Variants in SMG5 observed in about 807,000 individuals in gnomAD.
The protein encoded by SMG5 is nonsense-mediated mRNA decay factor SMG5.
A neutral mutation model predicts 122.9 loss-of-function variants in SMG5; 53 were observed. The observed-to-expected ratio is 0.43, with a 90% CI of 0.35 to 0.54. SMG5 has a LOEUF of 0.54. SMG5 is among the 20% of genes least tolerant of loss of function. The pLI is 0.01. For missense variants in SMG5, 1,153 were observed against 1,285.6 expected, an observed-to-expected ratio of 0.90 and a Z score of 1.58; for synonymous variants, 477 against 490.2, an observed-to-expected ratio of 0.97 and a Z score of 0.35.
In SMG5 at chr1:156,252,509, TGGGCAAGGTA is replaced by T; in HGVS notation, c.2663-15_2663-6del. On this transcript the variant is annotated splice_region_variant and splice_polypyrimidine_tract_variant and intron_variant, in intron 18 of 21. Transcript: ENST00000361813. The stretch of plus-strand genomic sequence containing the variant: ...GCAAATCCAGGCCATCGATCACTGG[TGGGCAAGGTA>T]GGGAAAGACAAAACAGATAAGCTCA... The T allele has an allele frequency of 6.2e-7, 1 of 1,613,856 alleles. No individual in the cohort carries two copies. Among genetic ancestry groups the T allele is most frequent in the Non-Finnish European group, 8.5e-7 (1 of 1,179,956 alleles).
Position 156,255,428 on chromosome 1 carries a change from A to T in SMG5, c.2443-1920T>A, listed in dbSNP as rs1661537213. On this transcript the variant is annotated intron_variant, in intron 16 of 21. Transcript: ENST00000361813. ...GTGGCGAGCACCTGTAATCCCAGCTACTCGGGAGGCTGAGGCAGGAGAATC... is the reference window on the plus strand; with the variant it reads ...GTGGCGAGCACCTGTAATCCCAGCTTCTCGGGAGGCTGAGGCAGGAGAATC... Among the ~76,000 whole-genome samples, 2 of 152,090 alleles carry T rather than the reference A, an allele frequency of 1.3e-5. 1 individual carries two copies. The highest frequency in any genetic ancestry group is 4.1e-4 in the South Asian group (2 of 4,826).
At position 156,265,651 on chromosome 1, in the gene SMG5, C is replaced by A. The variant is rs1009797796; in HGVS notation, c.1855+130G>T. The A allele has an allele frequency of 5.8e-6, 8 of 1,387,034 alleles. No individual in the cohort carries two copies. In the African/African-American group the frequency reaches 1.2e-4, roughly 20 times the overall value. 85.9% of individuals were successfully genotyped at this position (1,387,034 alleles called of 1,614,324 possible). On this transcript the variant is annotated intron_variant, in intron 12 of 21. Coordinates refer to ENST00000361813, the MANE Select transcript of SMG5 (RefSeq NM_015327.3). ...TCAGGAAAAAACTCATGGGCTACAC[C>A]ACAGGCAGAGGGCCAAAGGTAAGGG...
At chr1:156,263,285 G>C in intron 13 of SMG5, 110 bp downstream of exon 13, 1 of 1,233,476 alleles carries the variant, frequency 8.1e-7, no homozygotes, top group Admixed American at 2.2e-5. Flanking sequence ...TAATTGCTTG[G>C]CAATAATTCT....
chr1:156,253,067 A>G lies in SMG5; in HGVS notation c.2514T>C (p.Ser838=). 6.2e-7 allele frequency: 1 copy of G among 1,605,702 alleles called. No individual in the cohort carries two copies. Among genetic ancestry groups the G allele is most frequent in the Non-Finnish European group, 8.5e-7 (1 of 1,175,924 alleles). ...MAQLRLQLEV[S]QLEGSLQQPK... is the part of the protein sequence containing the mutation. Reference sequence around the variant, plus strand: ...GCTGCTGCAGGCTGCCCTCCAGCTGAGACACTTCGAGCTGGTGAGAGAGGG... The same window carrying G: ...GCTGCTGCAGGCTGCCCTCCAGCTGGGACACTTCGAGCTGGTGAGAGAGGG... The change falls in exon 18 of 22, where the codon TCT becomes TCC. Residue 838 remains serine (S), a synonymous_variant. Transcript: ENST00000361813.
Position 156,282,694 on chromosome 1 carries a change from G to A in SMG5, c.-14C>T, listed in dbSNP as rs1185952882. 1.0e-5 allele frequency: 16 copies of A among 1,592,426 alleles called. No individual in the cohort carries two copies. Among genetic ancestry groups the A allele is most frequent in the Non-Finnish European group, 1.4e-5 (16 of 1,174,946 alleles). On this transcript the variant is annotated 5_prime_UTR_variant, in exon 1 of 22. Transcript: ENST00000361813. The stretch of plus-strand genomic sequence containing the variant: ...GCCTTGGCTCATGGTGCCCGGGTCC[G>A]GGGGCAGCTCCCGGTCACAGGCCCC...
chr1:156,253,300 T>C (rs575528888), intron 17 of SMG5, 149 bp downstream of exon 17: 1 of 904,724 alleles, frequency 1.1e-6, no homozygotes, highest in Non-Finnish European at 1.7e-6. Flanking sequence ...GAGTGAAGAG[T>C]GAGTAGTAAG....
intron 4 of SMG5, among the ~76,000 whole-genome samples, chr1:156,275,815 GTTTT>G (rs5777975): frequency 7.1e-6 from 1 of 141,572 alleles, no homozygotes. Context: ...TAATGTGGTG[GTTTT>G]TTTTTTTTTT....
chr1:156,281,501 T>A (rs1254161134), intron 1 of SMG5, among the ~76,000 whole-genome samples: 1 of 152,174 alleles, frequency 6.6e-6, no homozygotes, highest in Non-Finnish European at 1.5e-5. Context: ...CTAGATTGAA[T>A]CACTTTTCTA....
chr1:156,250,011 C>G lies in SMG5; in HGVS notation c.*576G>C, dbSNP rs1274880872. 1 of 448,888 alleles carries G rather than the reference C, an allele frequency of 2.2e-6. No individual in the cohort carries two copies. The highest frequency in any genetic ancestry group is 2.0e-5 in the African/African-American group (1 of 49,736). 27.8% of individuals were successfully genotyped at this position (448,888 alleles called of 1,614,324 possible). The stretch of plus-strand genomic sequence containing the variant: ...ACCCTGCTACTCGGTGCAGGCCACT[C>G]CAGGCCTTGCTTCTCTAACAGCCCC... On this transcript the variant is annotated 3_prime_UTR_variant, in exon 22 of 22. Coordinates refer to ENST00000361813, the MANE Select transcript of SMG5 (RefSeq NM_015327.3).
chr1:156,255,922 C>A (rs1364675148), intron 16 of SMG5, among the ~76,000 whole-genome samples: 1 of 152,012 alleles, frequency 6.6e-6, no homozygotes, highest in Non-Finnish European at 1.5e-5. Flanking sequence ...AAAAAAAATT[C>A]TCATTCTCAT....
Position 156,250,912 on chromosome 1 carries a change from G to A in SMG5, c.2913C>T (p.Thr971=), listed in dbSNP as rs748789151. The change falls in exon 21 of 22, where the codon ACC becomes ACT. Residue 971 remains threonine, a synonymous_variant. Transcript: ENST00000361813. ...AGEEDPSGMV[T]IITGLPLDNP... is the part of the protein sequence containing the mutation. ...TGTCCAGTGGAAGGCCTGTGATGAT[G>A]GTCACCATGCCACTCGGATCCTCCT... 2 of 1,613,976 alleles carry A rather than the reference G, an allele frequency of 1.2e-6. No individual in the cohort carries two copies. Among genetic ancestry groups the A allele is most frequent in the Admixed American group, 3.3e-5 (2 of 60,018 alleles).
At chr1:156,264,525 A>G (rs1234915916) in intron 12 of SMG5, among the ~76,000 whole-genome samples, 1 of 152,168 alleles carries the variant, frequency 6.6e-6, no homozygotes, top group African/African-American at 2.4e-5. Flanking sequence ...AGACAAATCA[A>G]CAGTCAACCT....
In SMG5 at chr1:156,274,579, A is replaced by G; in HGVS notation, c.544+18T>C. On this transcript the variant is annotated intron_variant, in intron 5 of 21. Coordinates refer to ENST00000361813, the MANE Select transcript of SMG5 (RefSeq NM_015327.3). ...CCTGTAACCCAAAACAGAGAAAATG[A>G]AAGGTGCAAATTCTTACACAAATCC... 1 of 1,611,730 alleles carries G rather than the reference A, an allele frequency of 6.2e-7. No individual in the cohort carries two copies. The highest frequency in any genetic ancestry group is 8.5e-7 in the Non-Finnish European group (1 of 1,178,094).
At position 156,249,458 on chromosome 1, in the gene SMG5, G is replaced by A; in HGVS notation, c.*1129C>T. On this transcript the variant is annotated 3_prime_UTR_variant, in exon 22 of 22. Transcript: ENST00000361813. ...CTAGCCTGTGCTATCCTCCCAGCCT[G>A]AGGGGGAGGAGCTGAGGCAATCCTG... 1 of 343,184 alleles carries A rather than the reference G, an allele frequency of 2.9e-6. No homozygotes were observed. The highest frequency in any genetic ancestry group is 5.8e-6 in the Non-Finnish European group (1 of 173,762). The allele number at this position is 343,184 out of a possible 1,614,324, so 21.3% of individuals were successfully genotyped here. A position where few individuals can be genotyped will look rare whatever the true frequency, so the allele number is the denominator to read the frequency against.
rs1326838253 is a variant in SMG5, at chr1:156,260,605, A to C, written c.2129T>G (p.Val710Gly). 1.3e-6 allele frequency: 2 copies of C among 1,514,026 alleles called. No individual in the cohort carries two copies. Among genetic ancestry groups the C allele is most frequent in the Non-Finnish European group, 1.8e-6 (2 of 1,135,844 alleles). 93.8% of individuals were successfully genotyped at this position (1,514,026 alleles called of 1,614,324 possible). Residue 710 changes from valine to glycine, a missense_variant, in exon 15 of 22, where the codon GTC becomes GGC. Val to Gly is a moderately radical substitution (Grantham distance 109). This residue lies in a region of SMG5 where 631 missense variants were observed against 650.6 expected (regional missense o/e 0.97). Transcript: ENST00000361813. The part of the protein sequence containing the change: ...QESGLALCPE[V>G]QDLLEGCELP... ...TTCACAACCTTCAAGAAGATCTTGGACCTCAGGACACAAGGCCAGGCCTGG... is the reference window on the plus strand; with the variant it reads ...TTCACAACCTTCAAGAAGATCTTGGCCCTCAGGACACAAGGCCAGGCCTGG...
intron 16 of SMG5, among the ~76,000 whole-genome samples, chr1:156,255,718 T>C (rs1661548688): frequency 6.6e-6 from 1 of 151,948 alleles, no homozygotes. Context: ...AGATCACATT[T>C]CTACAAAAAA....
In SMG5 at chr1:156,268,106, T is replaced by C. The variant is rs1662238790; in HGVS notation, c.908+9A>G. On this transcript the variant is annotated intron_variant, in intron 9 of 21. Transcript: ENST00000361813. ...AGGATAGTTCAGGTTCATGCTCTCT[T>C]CCACTCACCTGCTTTTGGGCTGTAG... 6.2e-7 allele frequency: 1 copy of C among 1,613,990 alleles called. No homozygotes were observed. Among genetic ancestry groups the C allele is most frequent in the Non-Finnish European group, 8.5e-7 (1 of 1,179,898 alleles).
At chr1:156,267,699 C>T in intron 9 of SMG5, 21 bp from the exon 10 acceptor site, 1 of 1,587,978 alleles carries the variant, frequency 6.3e-7, no homozygotes, top group Admixed American at 1.8e-5. Context: ...GCAGGAGTAA[C>T]AGGGGAGGTC....
chr1:156,252,619 C>G (rs887852737), intron 18 of SMG5, 115 bp from the exon 19 acceptor site: 2 of 1,125,926 alleles, frequency 1.8e-6, no homozygotes, highest in Non-Finnish European at 2.6e-6. Flanking sequence ...AGAAGGGACC[C>G]TGGCTCCCTA....
Sources: gnomAD v4.1 joint callset for allele counts (sites outside exome capture counted in the v4.1 genomes callset) on GRCh38, gnomAD v4.1.1 for gene constraint, gnomAD v4.1.1 regional missense constraint, MANE v1.5 for transcripts, NCBI Gene and HGNC (gene_info 2026-07-23, HGNC 2026-07-21) for gene names.